The following PAQR8 variants were observed in gnomAD, a reference collection of about 807,000 sequenced individuals.
PAQR8 encodes the protein membrane progestin receptor beta.
A neutral mutation model predicts 25.2 loss-of-function variants in PAQR8; 17 were observed. The observed-to-expected ratio is 0.67, with a 90% CI of 0.46 to 1.01. PAQR8 has a LOEUF of 1.01. PAQR8 is among the 50% of genes least tolerant of loss of function. PAQR8 has a pLI of 0.00. For synonymous variants in PAQR8, 204 were observed against 190.6 expected (o/e 1.07, Z -0.58); for missense variants, 392 against 448.4 (o/e 0.87, Z 1.14).
At position 52,407,066 on chromosome 6, in the gene PAQR8, G is replaced by A. The variant is rs921059262; in HGVS notation, c.*2788G>A. The A allele has an allele frequency of 4.8e-5, 8 of 166,986 alleles. No homozygotes were observed. Among genetic ancestry groups the A allele is most frequent in the African/African-American group, 1.9e-4 (8 of 41,416 alleles). The allele number at this position is 166,986 out of a possible 1,614,324, so 10.3% of individuals were successfully genotyped here. A position where few individuals can be genotyped will look rare whatever the true frequency, so the allele number is the denominator to read the frequency against. ...GTAAGAAACAGACCTAGTTTAAAAG[G>A]AATAATCAACAATTTTATAAAGGAG... On this transcript the variant is annotated 3_prime_UTR_variant, in exon 2 of 2. Coordinates refer to ENST00000442253, the MANE Select transcript of PAQR8 (RefSeq NM_133367.5).
intron 1 of PAQR8, among the ~76,000 whole-genome samples, chr6:52,401,205 G>A (rs1763825455): frequency 6.6e-6 from 1 of 152,134 alleles, no homozygotes; most frequent in African/African-American, 2.4e-5. Context: ...AATATTGATT[G>A]AGACGTATGA....
At chr6:52,377,208 A>G (rs1213049338) in intron 1 of PAQR8, among the ~76,000 whole-genome samples, 1 of 152,234 alleles carries the variant, frequency 6.6e-6, no homozygotes, top group Admixed American at 6.5e-5. Context: ...CTCGACCTGC[A>G]TTCATCTTAC....
In PAQR8 at chr6:52,362,751, T is replaced by G. The variant is rs1763305166; in HGVS notation, c.-53+502T>G. 1.3e-5 allele frequency among the ~76,000 whole-genome samples: 2 copies of G among 149,384 alleles called. No homozygotes were observed. Among genetic ancestry groups the G allele is most frequent in the Admixed American group, 6.6e-5 (1 of 15,068 alleles). Reference sequence around the variant, plus strand: ...AGGGGAACGGAACCTGGGAGGGGAGTGCGGAGGAGAGGAAGCCCGGGGCGG... The same window carrying G: ...AGGGGAACGGAACCTGGGAGGGGAGGGCGGAGGAGAGGAAGCCCGGGGCGG... On this transcript the variant is annotated intron_variant, in intron 1 of 1. Transcript: ENST00000442253. This position sits in a 1 kb window ranked among gnomAD's most constrained non-coding sequence, Gnocchi z 4.1.
At chr6:52,399,832 C>A (rs1763810541) in intron 1 of PAQR8, among the ~76,000 whole-genome samples, 1 of 152,110 alleles carries the variant, frequency 6.6e-6, no homozygotes, top group African/African-American at 2.4e-5. Context: ...AAGCCCAGCA[C>A]CCCCAGATTA....
intron 1 of PAQR8, among the ~76,000 whole-genome samples, chr6:52,372,244 C>G (rs1002270714): frequency 1.3e-5 from 2 of 152,156 alleles, no homozygotes; most frequent in Non-Finnish European, 2.9e-5. Flanking sequence ...ACTACCAGCT[C>G]AACTAAAGCT....
At chr6:52,402,456 G>A (rs2078064) in intron 1 of PAQR8, among the ~76,000 whole-genome samples, 21,357 of 147,664 alleles carry the variant, frequency 0.14, 2,032 homozygotes, top group South Asian at 0.32. Context: ...CATCTCTACT[G>A]AAAATACAAA....
chr6:52,366,712 G>A (rs189985910), intron 1 of PAQR8, among the ~76,000 whole-genome samples: 2 of 152,140 alleles, frequency 1.3e-5, no homozygotes. Flanking sequence ...ACTTGTAAAG[G>A]ACCAGGAAAC....
intron 1 of PAQR8, among the ~76,000 whole-genome samples, chr6:52,394,087 G>A (rs1763740549): frequency 6.6e-6 from 1 of 152,196 alleles, no homozygotes; most frequent in African/African-American, 2.4e-5. Context: ...AGAGGTTCCT[G>A]TGAGAGATAA....
In PAQR8 at chr6:52,376,435, TTTGCAA is replaced by T. The variant is rs367846299; in HGVS notation, c.-53+14187_-53+14192del. Among the ~76,000 whole-genome samples the T allele has an allele frequency of 6.6e-5, 10 of 152,246 alleles. No individual in the cohort carries two copies. In the East Asian group the frequency reaches 1.9e-3, roughly 29 times the overall value. ...CTTGTTTTAATCAACAGTACATTCTTTTGCAAGGAAAAGACAAACTGAGGCTCATTT... is the reference window on the plus strand; with the variant it reads ...CTTGTTTTAATCAACAGTACATTCTTGGAAAAGACAAACTGAGGCTCATTT... On this transcript the variant is annotated intron_variant, in intron 1 of 1. Transcript: ENST00000442253.
At position 52,392,343 on chromosome 6, in the gene PAQR8, C is replaced by CA. The variant is rs35808636; in HGVS notation, c.-52-10803dup. Among the ~76,000 whole-genome samples, 868 of 109,238 alleles carry CA rather than the reference C, an allele frequency of 7.9e-3. 1 individual carries two copies. Among genetic ancestry groups the CA allele is most frequent in the African/African-American group, 0.015 (410 of 27,636 alleles). 71.7% of individuals were successfully genotyped at this position (109,238 alleles called of 152,430 possible). Reference sequence around the variant, plus strand: ...TGGGTGACAGAGCGAGACTCCATCTCAAAAAAAAAAAAAAAAGTGTCACAT... The same window carrying CA: ...TGGGTGACAGAGCGAGACTCCATCTCAAAAAAAAAAAAAAAAAGTGTCACAT... On this transcript the variant is annotated intron_variant, in intron 1 of 1. Transcript: ENST00000442253.
At chr6:52,402,342 G>A (rs912730498) in intron 1 of PAQR8, among the ~76,000 whole-genome samples, 3 of 151,370 alleles carry the variant, frequency 2.0e-5, no homozygotes, top group African/African-American at 4.9e-5. Context: ...CCAGCTGGGC[G>A]ACAGAGCAAG....
intron 1 of PAQR8, among the ~76,000 whole-genome samples, chr6:52,398,212 T>C (rs1163426867): frequency 6.7e-6 from 1 of 149,084 alleles, no homozygotes; most frequent in Non-Finnish European, 1.5e-5. Flanking sequence ...TTCTTTTTTT[T>C]TTTTTTTTTT....
At chr6:52,381,320 A>G (rs1313707343) in intron 1 of PAQR8, among the ~76,000 whole-genome samples, 1 of 126,818 alleles carries the variant, frequency 7.9e-6, no homozygotes, top group Non-Finnish European at 1.6e-5. Flanking sequence ...CAAAAAGCAC[A>G]GCAATGGCTG....
At chr6:52,372,134 T>C (rs1357597301) in intron 1 of PAQR8, among the ~76,000 whole-genome samples, 2 of 152,170 alleles carry the variant, frequency 1.3e-5, no homozygotes, top group East Asian at 3.8e-4. Context: ...TTTGTATGCC[T>C]GTGAAACCAC....
At chr6:52,393,900 T>C (rs1400498683) in intron 1 of PAQR8, among the ~76,000 whole-genome samples, 1 of 152,062 alleles carries the variant, frequency 6.6e-6, no homozygotes, top group Non-Finnish European at 1.5e-5. Flanking sequence ...ACATGAAGCA[T>C]GAGTAGGAGT....
At chr6:52,398,720 A>T (rs1440697913) in intron 1 of PAQR8, among the ~76,000 whole-genome samples, 1 of 151,244 alleles carries the variant, frequency 6.6e-6, no homozygotes, top group Non-Finnish European at 1.5e-5. Flanking sequence ...TGCCCAGCTA[A>T]TTTTTGTATT....
chr6:52,376,227 G>C (rs994616607), intron 1 of PAQR8, among the ~76,000 whole-genome samples: 1 of 152,162 alleles, frequency 6.6e-6, no homozygotes, highest in African/African-American at 2.4e-5. Flanking sequence ...ACAATGTATT[G>C]GACAGCAGTA....
chr6:52,378,950 A>G (rs1335180967), intron 1 of PAQR8, among the ~76,000 whole-genome samples: 1 of 151,710 alleles, frequency 6.6e-6, no homozygotes, highest in African/African-American at 2.4e-5. Flanking sequence ...TACAAAAATT[A>G]GCCAGGCATG....
chr6:52,407,749 A>C lies in PAQR8; in HGVS notation c.*3471A>C, dbSNP rs1763929886. On this transcript the variant is annotated 3_prime_UTR_variant, in exon 2 of 2. Transcript: ENST00000442253. ...TGTCTATATAAATCTACTTATATGA[A>C]TAACCATTAAAGTGATTTTGTATAT... 1 of 159,368 alleles carries C rather than the reference A, an allele frequency of 6.3e-6. No homozygotes were observed. Among genetic ancestry groups the C allele is most frequent in the Admixed American group, 6.6e-5 (1 of 15,164 alleles). The allele number at this position is 159,368 out of a possible 1,614,324, so 9.9% of individuals were successfully genotyped here.
Sources: allele counts gnomAD v4.1 joint callset (sites outside exome capture counted in the v4.1 genomes callset), GRCh38; gene constraint gnomAD v4.1.1; non-coding constraint Gnocchi (gnomAD v3.1); transcripts MANE v1.5; gene names NCBI Gene and HGNC (gene_info 2026-07-23, HGNC 2026-07-21).